Variants in RAD52 observed in about 807,000 individuals in gnomAD.
The protein encoded by RAD52 is RAD52 DNA repair protein, also known as DNA repair protein RAD52 homolog.
RAD52 carries 47 observed loss-of-function variants against 55.5 expected under a neutral mutation model. That is an observed-to-expected ratio of 0.85 (90% CI 0.67 to 1.08). The LOEUF is 1.08. Ranked by LOEUF, RAD52 falls within the 50% of genes least tolerant of loss-of-function variation. The pLI is 0.00. For missense variants in RAD52, 468 were observed against 522.8 expected (o/e 0.90, Z 1.02); for synonymous variants, 184 against 198.9 (o/e 0.92, Z 0.63).
intron 1 of RAD52, among the ~76,000 whole-genome samples, chr12:956,538 T>A (rs1958608733): frequency 6.6e-6 from 1 of 152,232 alleles, no homozygotes; most frequent in African/African-American, 2.4e-5. Context: ...TACTTATAGC[T>A]AAACACATTC....
At chr12:970,189 C>T (rs995023713) in intron 1 of RAD52, among the ~76,000 whole-genome samples, 45 of 151,684 alleles carry the variant, frequency 3.0e-4, no homozygotes, top group African/African-American at 9.7e-4. Context: ...TGCCTGTGAT[C>T]CCAGCTACCT....
intron 1 of RAD52, among the ~76,000 whole-genome samples, chr12:938,360 T>C (rs1203784384): frequency 2.6e-5 from 4 of 152,002 alleles, no homozygotes; most frequent in African/African-American, 7.2e-5. Context: ...CAAAACAAAA[T>C]AGAATGGCTG....
rs1462359854 is a variant in RAD52, at chr12:986,990, G to C, written c.-19+2819C>G. 2.0e-5 allele frequency among the ~76,000 whole-genome samples: 3 copies of C among 151,784 alleles called. 1 individual carries two copies. Among genetic ancestry groups the C allele is most frequent in the African/African-American group, 7.3e-5 (3 of 41,316 alleles). Reference sequence around the variant, plus strand: ...TTTTTAAAATTTATTTTTATTTTTTGAGATGGAGTTTTGCTCACTGCCCAG... The same window carrying C: ...TTTTTAAAATTTATTTTTATTTTTTCAGATGGAGTTTTGCTCACTGCCCAG... On this transcript the variant is annotated intron_variant, in intron 1 of 11. Transcript: ENST00000430095.
intron 1 of RAD52, among the ~76,000 whole-genome samples, chr12:937,545 C>A (rs1197994547): frequency 6.6e-6 from 1 of 152,132 alleles, no homozygotes; most frequent in Non-Finnish European, 1.5e-5. Context: ...CCTGCCTCAG[C>A]CTACTGAATA....
intron 1 of RAD52, among the ~76,000 whole-genome samples, chr12:946,413 A>C (rs991247057): frequency 6.6e-6 from 1 of 152,190 alleles, no homozygotes; most frequent in Admixed American, 6.6e-5. Context: ...CACTGCTCCC[A>C]GGGGAAATAC....
intron 1 of RAD52, among the ~76,000 whole-genome samples, chr12:986,355 C>G (rs1237531783): frequency 6.6e-6 from 1 of 151,916 alleles, no homozygotes; most frequent in East Asian, 1.9e-4. Context: ...TGAACTACCA[C>G]ATCCAGCCTG....
At chr12:945,650 G>A (rs1012186683) in intron 1 of RAD52, among the ~76,000 whole-genome samples, 1 of 150,978 alleles carries the variant, frequency 6.6e-6, no homozygotes, top group African/African-American at 2.4e-5. Context: ...TGGCCAGGCT[G>A]GTCTCGAACT....
intron 1 of RAD52, among the ~76,000 whole-genome samples, chr12:947,224 G>A (rs1290595845): frequency 6.6e-6 from 1 of 152,096 alleles, no homozygotes; most frequent in Non-Finnish European, 1.5e-5. Flanking sequence ...TACTCGGGAG[G>A]CTGAGGCAGG....
intron 1 of RAD52, among the ~76,000 whole-genome samples, chr12:940,743 A>AT (rs1957878775): frequency 6.6e-6 from 1 of 152,206 alleles, no homozygotes; most frequent in Non-Finnish European, 1.5e-5. Context: ...TTCTAGTAGA[A>AT]TTAGAAGCCA....
intron 1 of RAD52, among the ~76,000 whole-genome samples, chr12:941,034 C>T (rs939949472): frequency 6.6e-6 from 1 of 152,076 alleles, no homozygotes; most frequent in East Asian, 1.9e-4. Flanking sequence ...AATTGGCCGA[C>T]AGACATAAAT....
chr12:947,871 A>G (rs1008691923), intron 1 of RAD52, among the ~76,000 whole-genome samples: 1 of 131,872 alleles, frequency 7.6e-6, no homozygotes, highest in African/African-American at 2.9e-5. Context: ...GGGCAACAAG[A>G]GTGAAACTTC....
At chr12:943,981 T>G (rs887553478) in intron 1 of RAD52, among the ~76,000 whole-genome samples, 21 of 151,774 alleles carry the variant, frequency 1.4e-4, no homozygotes, top group African/African-American at 4.8e-4. Context: ...TTTGGGAGGC[T>G]GAGGCAGGCG....
chr12:930,754 C>T (rs1957284142), intron 3 of RAD52, among the ~76,000 whole-genome samples: 1 of 151,746 alleles, frequency 6.6e-6, no homozygotes, highest in Admixed American at 6.6e-5. Flanking sequence ...ATCACTTGAG[C>T]CCAGCAGTTC....
chr12:978,816 G>T (rs1958969846), intron 1 of RAD52, among the ~76,000 whole-genome samples: 1 of 151,904 alleles, frequency 6.6e-6, no homozygotes, highest in South Asian at 2.1e-4. Context: ...AGGTTGCAGT[G>T]AGCTGAGATT....
upstream of RAD52, among the ~76,000 whole-genome samples, chr12:950,985 C>T (rs1358219264): frequency 2.0e-5 from 3 of 152,164 alleles, no homozygotes; most frequent in Admixed American, 2.0e-4. Context: ...CTCCCAACCT[C>T]AGGTGATCTG....
intron 1 of RAD52, among the ~76,000 whole-genome samples, chr12:946,082 C>T (rs757257038): frequency 6.6e-6 from 1 of 152,098 alleles, no homozygotes; most frequent in Non-Finnish European, 1.5e-5. Flanking sequence ...CTGATCATTT[C>T]TCTGCACTCC....
rs771303037 is a variant in RAD52, at chr12:930,064, C to T, written c.267G>A (p.Thr89=). 5.0e-6 allele frequency: 8 copies of T among 1,613,356 alleles called. No homozygotes were observed. The highest frequency in any genetic ancestry group is 2.7e-5 in the African/African-American group (2 of 74,894). ...GAGCATACTCACCCACATTCTGCTG[C>T]GTGATGGAGTGTGCCCAGCCATTGT... ...FGYNGWAHSI[T]QQNVDFVDLN... The change falls in exon 4 of 12, where the codon ACG becomes ACA. Residue 89 remains threonine, a synonymous_variant. Coordinates refer to ENST00000358495, the MANE Select transcript of RAD52 (RefSeq NM_134424.4).
At chr12:985,955 A>G (rs1262705181) in intron 1 of RAD52, among the ~76,000 whole-genome samples, 1 of 136,840 alleles carries the variant, frequency 7.3e-6, no homozygotes, top group Non-Finnish European at 1.6e-5. Flanking sequence ...TTTTTTTGAG[A>G]CAGAGTTTCA....
chr12:926,737 A>AACATAAATGGACT, intron 6 of RAD52: 1 of 1,454,890 alleles, frequency 6.9e-7, no homozygotes, highest in South Asian at 1.2e-5. Context: ...CCTGTATAGC[A>AACATAAATGGACT]ACATAAATGG....
Sources: gnomAD v4.1 joint callset for allele counts (sites outside exome capture counted in the v4.1 genomes callset) on GRCh38, gnomAD v4.1.1 for gene constraint, MANE v1.5 for transcripts, NCBI Gene and HGNC (gene_info 2026-07-23, HGNC 2026-07-21) for gene names.